The following STYK1 variants were observed in gnomAD, a reference collection of about 807,000 sequenced individuals.
STYK1 encodes tyrosine-protein kinase STYK1.
A neutral mutation model predicts 48.1 loss-of-function variants in STYK1; 46 were observed. That is an observed-to-expected ratio of 0.96 (90% CI 0.75 to 1.22). The LOEUF (loss-of-function observed/expected upper bound fraction) is 1.22. STYK1 is among the 50% of genes most tolerant of loss of function. The pLI is 0.00. For missense variants in STYK1, 527 were observed against 521.1 expected (o/e 1.01, Z -0.11); for synonymous variants, 188 against 189.0 (o/e 0.99, Z 0.04).
At position 10,640,166 on chromosome 12, in the gene STYK1, C is replaced by T. The variant is rs908734208; in HGVS notation, c.-194-2970G>A. Reference sequence around the variant, plus strand: ...CTTCTGCTTTTTGAGTAAAAAGTCCCGGTTCTTAGGACTAGCCATCTTTCA... The same window carrying T: ...CTTCTGCTTTTTGAGTAAAAAGTCCTGGTTCTTAGGACTAGCCATCTTTCA... On this transcript the variant is annotated intron_variant, in intron 1 of 10. Coordinates refer to ENST00000075503, the MANE Select transcript of STYK1 (RefSeq NM_018423.3). Among the ~76,000 whole-genome samples the T allele has an allele frequency of 2.0e-5, 3 of 152,092 alleles. No individual in the cohort carries two copies. In the South Asian group the frequency reaches 6.2e-4, roughly 32 times the overall value.
chr12:10,621,823 G>C (rs375989159), intron 10 of STYK1, 53 bp downstream of exon 10: 2 of 1,536,392 alleles, frequency 1.3e-6, no homozygotes, highest in Middle Eastern at 1.7e-4. Flanking sequence ...GATTGATAGA[G>C]GGCTAAACAA....
At chr12:10,623,956 A>C (rs551443322) in intron 8 of STYK1, among the ~76,000 whole-genome samples, 1 of 152,314 alleles carries the variant, frequency 6.6e-6, no homozygotes, top group African/African-American at 2.4e-5. Context: ...TGTTAAAATA[A>C]GTTATTGAAG....
chr12:10,630,397 AAAAG>A (rs1425076153), intron 5 of STYK1, among the ~76,000 whole-genome samples: 1 of 149,532 alleles, frequency 6.7e-6, no homozygotes, highest in South Asian at 2.1e-4. Flanking sequence ...AAAAAAAAAA[AAAAG>A]AAAAAAGAAA....
At chr12:10,633,617 A>T (rs1393877986) in intron 4 of STYK1, among the ~76,000 whole-genome samples, 1 of 152,136 alleles carries the variant, frequency 6.6e-6, no homozygotes, top group Non-Finnish European at 1.5e-5. Context: ...TTAGGAATGG[A>T]ACGTATCATA....
At chr12:10,654,573 C>T (rs1355903615) in intron 1 of STYK1, among the ~76,000 whole-genome samples, 3 of 152,060 alleles carry the variant, frequency 2.0e-5, no homozygotes, top group African/African-American at 4.8e-5. Flanking sequence ...GTATGTTTTG[C>T]CCAGGTAAAG....
At position 10,620,184 on chromosome 12, in the gene STYK1, A is replaced by G; in HGVS notation, c.1229T>C (p.Ile410Thr). 1 of 1,614,186 alleles carries G rather than the reference A, an allele frequency of 6.2e-7. No individual in the cohort carries two copies. Among genetic ancestry groups the G allele is most frequent in the South Asian group, 1.1e-5 (1 of 91,080 alleles). ...VPELYAAVAG[I>T]RVESLFYNYS... ...GTTGTAGAAGAGGCTCTCCACTCTG[A>G]TGCCGGCCACAGCTGCATACAGTTC... The change falls in exon 11 of 11, where the codon ATC becomes ACC. Residue 410 changes from isoleucine (I) to threonine (T), a missense_variant. Transcript: ENST00000075503.
intron 4 of STYK1, among the ~76,000 whole-genome samples, chr12:10,631,976 A>T (rs1947434133): frequency 6.6e-6 from 1 of 152,188 alleles, no homozygotes; most frequent in Admixed American, 6.5e-5. Flanking sequence ...GTCCAGATTC[A>T]CCTGAAGATT....
rs572313774 is a variant in STYK1 at position 10,672,828 on chromosome 12, T to C, written c.-195+1138A>G. Among the ~76,000 whole-genome samples, 25 of 152,336 alleles carry C rather than the reference T, an allele frequency of 1.6e-4. No homozygotes were observed. The South Asian group carries it at 2.1e-3, about 13-fold the overall frequency. ...TGAACGAAAAAGTATATGATTTTCA[T>C]TGAAGCAAATACTTCATGATGTCTC... On this transcript the variant is annotated intron_variant, in intron 1 of 10. Transcript: ENST00000075503. This position sits in a 1 kb window ranked among gnomAD's most constrained non-coding sequence, Gnocchi z 4.0.
chr12:10,667,351 A>G (rs1258578084), intron 1 of STYK1: 1 of 152,172 alleles, frequency 6.6e-6, no homozygotes, highest in Non-Finnish European at 1.5e-5. Flanking sequence ...TCCGTGGCTG[A>G]CTTCTGTAAT....
chr12:10,654,206 C>T (rs1262905451), intron 1 of STYK1, among the ~76,000 whole-genome samples: 1 of 152,228 alleles, frequency 6.6e-6, no homozygotes, highest in Non-Finnish European at 1.5e-5. Context: ...GTGGAACCTT[C>T]ACTTCCCAAC....
chr12:10,628,759 G>A (rs1947387652), intron 6 of STYK1, among the ~76,000 whole-genome samples: 1 of 152,124 alleles, frequency 6.6e-6, no homozygotes. Flanking sequence ...ATTTCTGAAT[G>A]CTTTAATTTT....
At position 10,635,245 on chromosome 12, in the gene STYK1, T is replaced by A. The variant is rs1947473701; in HGVS notation, c.-68-559A>T. Among the ~76,000 whole-genome samples the A allele has an allele frequency of 2.6e-5, 4 of 151,962 alleles. No individual in the cohort carries two copies. In the South Asian group the frequency reaches 6.2e-4, roughly 24 times the overall value. On this transcript the variant is annotated intron_variant, in intron 2 of 10. Transcript: ENST00000075503. ...AATTAATCCTCCTGCCTCAATCCCC[T>A]GAGTCTCTGGAATTACAGGCATGAG...
At chr12:10,653,252 T>G (rs1947682259) in intron 1 of STYK1, among the ~76,000 whole-genome samples, 1 of 147,732 alleles carries the variant, frequency 6.8e-6, no homozygotes, top group Non-Finnish European at 1.5e-5. Context: ...TTTTTTTGTA[T>G]TTTTTAGTAG....
Position 10,663,725 on chromosome 12 carries a change from C to T in STYK1, c.-195+10241G>A, listed in dbSNP as rs1947804326. The stretch of plus-strand genomic sequence containing the variant: ...CTTGCGTTCTCATAAATTTTAGAAT[C>T]ACTTTGACCATTTCGGAAAAAAAAA... On this transcript the variant is annotated intron_variant, in intron 1 of 10. Transcript: ENST00000075503. 2.2e-5 allele frequency among the ~76,000 whole-genome samples: 3 copies of T among 134,892 alleles called. No individual in the cohort carries two copies. The Admixed American group carries it at 2.5e-4, about 11-fold the overall frequency. The allele number at this position is 134,892 out of a possible 152,430, so 88.5% of individuals were successfully genotyped here. A position where few individuals can be genotyped will look rare whatever the true frequency, so the allele number is the denominator to read the frequency against.
chr12:10,640,172 T>C (rs760496774), intron 1 of STYK1, among the ~76,000 whole-genome samples: 1 of 152,140 alleles, frequency 6.6e-6, no homozygotes, highest in Non-Finnish European at 1.5e-5. Flanking sequence ...GTCCCGGTTC[T>C]TAGGACTAGC....
chr12:10,623,996 G>C (rs1485007632), intron 8 of STYK1, among the ~76,000 whole-genome samples: 1 of 152,002 alleles, frequency 6.6e-6, no homozygotes, highest in Non-Finnish European at 1.5e-5. Flanking sequence ...TTTTAACAAT[G>C]TATGGGTTAA....
At chr12:10,628,324 G>T (rs1947383260) in intron 6 of STYK1, among the ~76,000 whole-genome samples, 1 of 152,190 alleles carries the variant, frequency 6.6e-6, no homozygotes, top group Non-Finnish European at 1.5e-5. Context: ...CAGGGACAGG[G>T]AAATTGATGA....
chr12:10,650,355 C>T (rs1947649634), intron 1 of STYK1, among the ~76,000 whole-genome samples: 1 of 152,082 alleles, frequency 6.6e-6, no homozygotes, highest in Non-Finnish European at 1.5e-5. Flanking sequence ...ACCTATACAG[C>T]TGAGATAATT....
At chr12:10,645,812 T>A (rs2198964) in intron 1 of STYK1, among the ~76,000 whole-genome samples, 6,526 of 152,218 alleles carry the variant, frequency 0.043, 454 homozygotes, top group African/African-American at 0.15. Context: ...AGGGACTCAG[T>A]GGGAGGTAAT....
Sources: allele counts gnomAD v4.1 joint callset (sites outside exome capture counted in the v4.1 genomes callset), GRCh38; gene constraint gnomAD v4.1.1; non-coding constraint Gnocchi (gnomAD v3.1); transcripts MANE v1.5; gene names NCBI Gene and HGNC (gene_info 2026-07-23, HGNC 2026-07-21).